The following FOCAD variants were observed in gnomAD, a reference collection of about 807,000 sequenced individuals.
FOCAD encodes the protein focadhesin, also known as KIAA1797.
Under a neutral mutation model 225.6 loss-of-function variants are expected in FOCAD, and 198 were observed. The observed-to-expected ratio is 0.88, with a 90% CI of 0.78 to 0.99. FOCAD has a LOEUF of 0.99. Ranked by LOEUF, FOCAD falls within the 50% of genes least tolerant of loss-of-function variation. The probability of loss-of-function intolerance (pLI) is 0.00; values close to 1 mark genes in which losing one functional copy is unlikely to be tolerated. For synonymous variants in FOCAD, 897 were observed against 755.0 expected, an observed-to-expected ratio of 1.19 and a Z score of -3.08; for missense variants, 2,713 against 2,123.6, an observed-to-expected ratio of 1.28 and a Z score of -5.46.
chr9:20,768,933 C>T (rs1343318852), intron 7 of FOCAD, among the ~76,000 whole-genome samples: 2 of 151,996 alleles, frequency 1.3e-5, no homozygotes, highest in East Asian at 1.9e-4. Context: ...ATTAGAGAGC[C>T]TTTAATGCTA....
Position 20,981,530 on chromosome 9 carries a change from T to C in FOCAD, c.4482T>C (p.Phe1494=), listed in dbSNP as rs1840698569. 6.2e-7 allele frequency: 1 copy of C among 1,614,006 alleles called. No homozygotes were observed. The highest frequency in any genetic ancestry group is 1.7e-5 in the Admixed American group (1 of 60,010). The change falls in exon 38 of 44, where the codon TTT becomes TTC. Residue 1494 remains phenylalanine (F), a synonymous_variant. Transcript: ENST00000338382. ...GFVENLMVAV[F]KAASPLGSPE... ...TTGAAAATTTAATGGTGGCAGTTTT[T>C]AAAGCAGCTTCCCCACTTGGAAGTC...
chr9:20,796,551 T>G (rs1291965957), intron 11 of FOCAD, among the ~76,000 whole-genome samples: 1 of 152,238 alleles, frequency 6.6e-6, no homozygotes, highest in Non-Finnish European at 1.5e-5. Context: ...TGATTTGCAT[T>G]TCTCTGATGG....
intron 42 of FOCAD, 94 bp from the exon 43 acceptor site, chr9:20,993,159 A>C (rs900906715): frequency 2.4e-5 from 24 of 1,013,750 alleles, no homozygotes; most frequent in Non-Finnish European, 3.5e-5. Context: ...TGAGGCAGGA[A>C]AATCACCTCA....
intron 11 of FOCAD, among the ~76,000 whole-genome samples, chr9:20,817,122 T>C (rs1004588171): frequency 1.3e-5 from 2 of 152,180 alleles, no homozygotes; most frequent in African/African-American, 4.8e-5. Context: ...TTTTTGGCAT[T>C]ACAGTTTGTG....
At chr9:20,688,259 T>C (rs1316630373) in intron 1 of FOCAD, among the ~76,000 whole-genome samples, 2 of 152,180 alleles carry the variant, frequency 1.3e-5, no homozygotes, top group East Asian at 3.8e-4. Flanking sequence ...TTGCATTACA[T>C]GTGACAGAAC....
intron 8 of FOCAD, among the ~76,000 whole-genome samples, chr9:20,774,595 T>G (rs1818573461): frequency 6.6e-6 from 1 of 152,218 alleles, no homozygotes; most frequent in Non-Finnish European, 1.5e-5. Flanking sequence ...TATTATGAAT[T>G]CATGAATTTA....
At chr9:20,957,673 C>CTCTCTCTTTT (rs1361017091) in intron 35 of FOCAD, 2 of 38,422 alleles carry the variant, frequency 5.2e-5, no homozygotes, top group African/African-American at 2.2e-4. Flanking sequence ...ATCTCTCTCT[C>CTCTCTCTTTT]TTTTTTTTTT....
At chr9:20,753,370 G>C (rs997707441) in intron 5 of FOCAD, among the ~76,000 whole-genome samples, 1 of 151,804 alleles carries the variant, frequency 6.6e-6, no homozygotes, top group Non-Finnish European at 1.5e-5. Context: ...TTAGCATGAA[G>C]GGTTGTTGAA....
chr9:20,716,086 G>A (rs1416407229), intron 2 of FOCAD: 1 of 448,478 alleles, frequency 2.2e-6, no homozygotes, highest in Non-Finnish European at 5.0e-6. Flanking sequence ...ATTAACTTCG[G>A]AGATGTCTGC....
At chr9:20,908,128 A>G (rs577348376) in intron 22 of FOCAD, among the ~76,000 whole-genome samples, 4 of 152,256 alleles carry the variant, frequency 2.6e-5, no homozygotes, top group South Asian at 4.1e-4. Flanking sequence ...ACAGTTAACA[A>G]TACAAGAAAA....
intron 5 of FOCAD, among the ~76,000 whole-genome samples, chr9:20,755,405 T>TA (rs1215089482): frequency 3.9e-5 from 6 of 152,228 alleles, no homozygotes; most frequent in African/African-American, 1.2e-4. Flanking sequence ...TGCATAAATG[T>TA]AAATTAGAAT....
intron 38 of FOCAD, 133 bp from the exon 39 acceptor site, chr9:20,982,224 G>A (rs2132633979): frequency 1.8e-6 from 1 of 543,964 alleles, no homozygotes; most frequent in Non-Finnish European, 3.1e-6. Flanking sequence ...TTGGCCAAAT[G>A]TTTTGGTTTG....
intron 15 of FOCAD, among the ~76,000 whole-genome samples, chr9:20,840,452 ATTT>A (rs1826406681): frequency 6.7e-6 from 1 of 150,144 alleles, no homozygotes; most frequent in African/African-American, 2.4e-5. Flanking sequence ...ATTTTATTTT[ATTT>A]TATGTAGAGA....
intron 4 of FOCAD, among the ~76,000 whole-genome samples, chr9:20,725,000 C>G (rs1826075337): frequency 1.3e-5 from 2 of 152,136 alleles, no homozygotes; most frequent in South Asian, 2.1e-4. Context: ...GTAACCCTGT[C>G]TCTAACTAAA....
At chr9:20,881,195 C>G (rs140312090) in intron 19 of FOCAD, among the ~76,000 whole-genome samples, 6 of 152,276 alleles carry the variant, frequency 3.9e-5, no homozygotes, top group Middle Eastern at 3.4e-3. Flanking sequence ...AAATGTGGGA[C>G]TGATATGTTC....
chr9:20,914,141 A>G (rs530015512), intron 23 of FOCAD, among the ~76,000 whole-genome samples: 37 of 152,276 alleles, frequency 2.4e-4, no homozygotes, highest in African/African-American at 8.4e-4. Flanking sequence ...GCAGTAACTA[A>G]TAAGCTACCT....
rs1835257470 is a variant in FOCAD, at chr9:20,929,404, C to A, written c.3125C>A (p.Ala1042Asp). Residue 1042 changes from alanine (A) to aspartate (D), a missense_variant, in exon 27 of 44, where the codon GCT (alanine) becomes GAT (aspartate). Physicochemically the swap from Ala to Asp is moderately radical, Grantham distance 126. Transcript: ENST00000338382. ...ACAGCTAGTGCCATTGCCCGTTCTG[C>A]TGCCGCCACGGCTTTGTCTCTCCTT... ...ENTASAIARS[A>D]AATALSLLVP... is the part of the protein sequence containing the mutation. 6.2e-7 allele frequency: 1 copy of A among 1,614,108 alleles called. No homozygotes were observed. Among genetic ancestry groups the A allele is most frequent in the Non-Finnish European group, 8.5e-7 (1 of 1,180,022 alleles).
At chr9:20,797,047 T>C (rs1012766579) in intron 11 of FOCAD, among the ~76,000 whole-genome samples, 6 of 152,234 alleles carry the variant, frequency 3.9e-5, no homozygotes, top group African/African-American at 1.4e-4. Flanking sequence ...TAGCCAGTTT[T>C]CCCACCATCA....
At chr9:20,696,002 T>C (rs998492245) in intron 1 of FOCAD, among the ~76,000 whole-genome samples, 33 of 152,236 alleles carry the variant, frequency 2.2e-4, no homozygotes, top group African/African-American at 7.5e-4. Flanking sequence ...CAAAAGTAAA[T>C]TGAGCTTCCA....
Sources: gnomAD v4.1 joint callset for allele counts (sites outside exome capture counted in the v4.1 genomes callset) on GRCh38, gnomAD v4.1.1 for gene constraint, MANE v1.5 for transcripts, NCBI Gene and HGNC (gene_info 2026-07-23, HGNC 2026-07-21) for gene names.